Variants in BLK observed in about 807,000 individuals in gnomAD.
The protein encoded by BLK is BLK proto-oncogene, Src family tyrosine kinase, also known as tyrosine-protein kinase Blk.
Under a neutral mutation model 61.8 loss-of-function variants are expected in BLK, and 64 were observed. The observed-to-expected ratio is 1.03, with a 90% CI of 0.85 to 1.27. BLK has a LOEUF of 1.27. Among genes scored for constraint, BLK ranks in the 50% most tolerant of loss-of-function variants. The pLI is 0.00. For missense variants in BLK, 853 were observed against 660.5 expected, an observed-to-expected ratio of 1.29 and a Z score of -3.19; for synonymous variants, 351 against 272.0, an observed-to-expected ratio of 1.29 and a Z score of -2.86.
chr8:11,550,059 T>A (rs2117496489), intron 5 of BLK, 100 bp from the exon 6 acceptor site: 8 of 1,110,624 alleles, frequency 7.2e-6, no homozygotes, highest in Non-Finnish European at 1.1e-5. Context: ...AATGCTAGAT[T>A]TTTATTTCTT....
At chr8:11,544,711 G>A (rs1027323579) in intron 2 of BLK, among the ~76,000 whole-genome samples, 2 of 152,064 alleles carry the variant, frequency 1.3e-5, no homozygotes, top group African/African-American at 2.4e-5. Flanking sequence ...GAGTTGCCTC[G>A]AGACCCTTCT....
chr8:11,495,630 A>T (rs1798335969), intron 1 of BLK, among the ~76,000 whole-genome samples: 1 of 152,208 alleles, frequency 6.6e-6, no homozygotes. Context: ...ACCTTCAAAA[A>T]TGTCAAGGTC....
intron 1 of BLK, among the ~76,000 whole-genome samples, chr8:11,526,675 T>C (rs1046572006): frequency 3.3e-5 from 5 of 152,172 alleles, no homozygotes; most frequent in Admixed American, 2.0e-4. Context: ...GCTGAGACTG[T>C]GCCAGTGCAC....
At chr8:11,543,475 G>C (rs1800483990) in intron 2 of BLK, 128 bp downstream of exon 2, 1 of 1,328,014 alleles carries the variant, frequency 7.5e-7, no homozygotes, top group Non-Finnish European at 1.0e-6. Context: ...CAATGTATAA[G>C]CAGGTGTGCC....
chr8:11,521,661 G>C (rs1799453973), intron 1 of BLK, among the ~76,000 whole-genome samples: 1 of 152,192 alleles, frequency 6.6e-6, no homozygotes, highest in Non-Finnish European at 1.5e-5. Context: ...ACAGTTTTAT[G>C]TGAAGAAAAA....
chr8:11,547,241 T>C (rs1800687556), intron 3 of BLK, among the ~76,000 whole-genome samples: 1 of 152,236 alleles, frequency 6.6e-6, no homozygotes, highest in African/African-American at 2.4e-5. Flanking sequence ...AGGGAACCAC[T>C]GTCACCCATT....
chr8:11,554,594 G>T (rs1801099735), intron 6 of BLK, 149 bp from the exon 7 acceptor site: 1 of 959,994 alleles, frequency 1.0e-6, no homozygotes, highest in African/African-American at 1.6e-5. Flanking sequence ...AGGTTGAGAT[G>T]CAGGGAAAGG....
At chr8:11,550,561 G>C (rs1051102306) in intron 6 of BLK, among the ~76,000 whole-genome samples, 3 of 152,274 alleles carry the variant, frequency 2.0e-5, no homozygotes, top group Non-Finnish European at 4.4e-5. Context: ...GTGGGGGCCA[G>C]GGAAGGGGGA....
At chr8:11,495,063 T>G (rs1585308751) in intron 1 of BLK, among the ~76,000 whole-genome samples, 1 of 152,350 alleles carries the variant, frequency 6.6e-6, no homozygotes, top group African/African-American at 2.4e-5. Flanking sequence ...CTGAATGAAG[T>G]TGTTCCATTT....
At chr8:11,529,183 C>T (rs896149002) in intron 1 of BLK, among the ~76,000 whole-genome samples, 3 of 152,304 alleles carry the variant, frequency 2.0e-5, no homozygotes, top group Admixed American at 2.0e-4. Context: ...ACCTTGCCCG[C>T]TGCCTAGACA....
At position 11,550,159 on chromosome 8, in the gene BLK, G is replaced by C; in HGVS notation, c.369G>C (p.Arg123Ser). 6.2e-7 allele frequency: 1 copy of C among 1,614,100 alleles called. No homozygotes were observed. The highest frequency in any genetic ancestry group is 8.5e-7 in the Non-Finnish European group (1 of 1,179,974). ...VARVESLEME[R>S]WFFRSQGRKE... is the part of the protein sequence containing the mutation. ...TTCACCTGTTCCTGCCGTTTTCCAG[G>C]TGGTTCTTTAGATCACAGGGTCGGA... is the stretch of plus-strand genomic sequence containing the variant. The change falls in exon 6 of 13, where the codon AGG becomes AGC. Residue 123 changes from arginine to serine, a missense_variant and splice_region_variant. Arg to Ser is a moderately radical substitution (Grantham distance 110, BLOSUM62 -1). Coordinates refer to ENST00000259089, the MANE Select transcript of BLK (RefSeq NM_001715.3).
At chr8:11,497,850 A>G (rs1378930555) in intron 1 of BLK, among the ~76,000 whole-genome samples, 3 of 152,176 alleles carry the variant, frequency 2.0e-5, no homozygotes, top group Non-Finnish European at 4.4e-5. Context: ...TGTGGTATAG[A>G]TGAAAGCATT....
At chr8:11,498,237 G>A (rs1424556880) in intron 1 of BLK, among the ~76,000 whole-genome samples, 1 of 152,216 alleles carries the variant, frequency 6.6e-6, no homozygotes, top group Admixed American at 6.5e-5. Context: ...TTCAAGTGCA[G>A]GAAAAGTTTG....
chr8:11,531,203 T>C (rs1168675174), intron 1 of BLK, among the ~76,000 whole-genome samples: 2 of 152,238 alleles, frequency 1.3e-5, no homozygotes, highest in African/African-American at 4.8e-5. Context: ...AAAAGTTAAT[T>C]ATATATTCTC....
chr8:11,555,663 G>GT (rs1318027784), intron 8 of BLK, 179 bp downstream of exon 8: 1 of 1,000,212 alleles, frequency 1.0e-6, no homozygotes, highest in African/African-American at 1.6e-5. Flanking sequence ...GAGCCGCGTT[G>GT]TAACAGCTGG....
intron 1 of BLK, among the ~76,000 whole-genome samples, chr8:11,503,266 A>G (rs1585319623): frequency 6.6e-6 from 1 of 152,220 alleles, no homozygotes; most frequent in Non-Finnish European, 1.5e-5. Flanking sequence ...CTGACCTTCT[A>G]GCCCCTGGGC....
At position 11,555,314 on chromosome 8, in the gene BLK, T is replaced by G. The variant is rs1801146605; in HGVS notation, c.620-18T>G. 6.2e-7 allele frequency: 1 copy of G among 1,613,840 alleles called. No homozygotes were observed. Among genetic ancestry groups the G allele is most frequent in the Non-Finnish European group, 8.5e-7 (1 of 1,180,014 alleles). The stretch of plus-strand genomic sequence containing the variant: ...TGCTCTGGTAACCCCCAGCCCTGTC[T>G]TTTCTTCCCTAATGCAGAGAAGGGG... On this transcript the variant is annotated intron_variant, in intron 7 of 12. Transcript: ENST00000259089.
chr8:11,543,964 C>CG, intron 2 of BLK, among the ~76,000 whole-genome samples: 1 of 124,270 alleles, frequency 8.0e-6, no homozygotes, highest in South Asian at 3.0e-4. Context: ...TCTGAAGATG[C>CG]ATTTTTTTTT....
intron 1 of BLK, among the ~76,000 whole-genome samples, chr8:11,506,885 C>T (rs929049790): frequency 4.6e-5 from 7 of 152,330 alleles, no homozygotes; most frequent in South Asian, 4.2e-4. Flanking sequence ...ACTGACTCAA[C>T]AAGATCTCTC....
Sources: gnomAD v4.1 joint callset for allele counts (sites outside exome capture counted in the v4.1 genomes callset) on GRCh38, gnomAD v4.1.1 for gene constraint, MANE v1.5 for transcripts, NCBI Gene and HGNC (gene_info 2026-07-23, HGNC 2026-07-21) for gene names.